The following PDE4D variants were observed in gnomAD, a reference collection of about 807,000 sequenced individuals.
PDE4D encodes phosphodiesterase 4D, also known as 3',5'-cyclic-AMP phosphodiesterase 4D.
PDE4D carries 24 observed loss-of-function variants against 87.4 expected under a neutral mutation model. The observed-to-expected ratio is 0.27, with a 90% CI of 0.20 to 0.39. The LOEUF (loss-of-function observed/expected upper bound fraction) is 0.39. Ranked by LOEUF, PDE4D falls within the 10% of genes least tolerant of loss-of-function variation. PDE4D has a pLI of 1.00. For synonymous variants in PDE4D, 384 were observed against 383.2 expected (o/e 1.00, Z -0.02); for missense variants, 714 against 1,041.0 (o/e 0.69, Z 4.32).
At chr5:59,738,287 T>TG (rs1758359840) in intron 1 of PDE4D, among the ~76,000 whole-genome samples, 3 of 152,186 alleles carry the variant, frequency 2.0e-5, no homozygotes, top group Non-Finnish European at 2.9e-5. Context: ...TACAATGTAT[T>TG]CTGTTGTCAG....
At chr5:59,212,057 A>T (rs1750200059) in intron 2 of PDE4D, among the ~76,000 whole-genome samples, 1 of 152,160 alleles carries the variant, frequency 6.6e-6, no homozygotes, top group East Asian at 1.9e-4. Context: ...GGAAAGCTTA[A>T]CTAGAACTAT....
At chr5:59,363,540 T>A (rs1246299072) in intron 1 of PDE4D, among the ~76,000 whole-genome samples, 1 of 152,124 alleles carries the variant, frequency 6.6e-6, no homozygotes. Flanking sequence ...ATAAGAGAAG[T>A]TTTGAACTTT....
At chr5:59,354,415 A>G (rs922045394) in intron 1 of PDE4D, among the ~76,000 whole-genome samples, 1 of 152,192 alleles carries the variant, frequency 6.6e-6, no homozygotes, top group Admixed American at 6.5e-5. Context: ...AACACCTTTA[A>G]TTCCAAGAAT....
intron 1 of PDE4D, among the ~76,000 whole-genome samples, chr5:60,423,103 T>A (rs1252091634): frequency 1.3e-5 from 2 of 152,198 alleles, no homozygotes; most frequent in Non-Finnish European, 2.9e-5. Context: ...TGGGACACTT[T>A]AACACCCCAT....
chr5:59,630,677 C>T (rs1831452494), intron 1 of PDE4D, among the ~76,000 whole-genome samples: 1 of 152,158 alleles, frequency 6.6e-6, no homozygotes, highest in Non-Finnish European at 1.5e-5. Context: ...CAAGCAATGC[C>T]ATCTGCTTGA....
intron 5 of PDE4D, among the ~76,000 whole-genome samples, chr5:59,138,355 T>G (rs1777430399): frequency 6.6e-6 from 1 of 152,130 alleles, no homozygotes; most frequent in South Asian, 2.1e-4. Context: ...TGGCACGAGC[T>G]CAGCTCACTG....
At chr5:59,513,972 T>C (rs889988135) in intron 1 of PDE4D, among the ~76,000 whole-genome samples, 1 of 152,332 alleles carries the variant, frequency 6.6e-6, no homozygotes, top group Non-Finnish European at 1.5e-5. Flanking sequence ...ATGATAGGCA[T>C]ATACCTATTA....
intron 1 of PDE4D, among the ~76,000 whole-genome samples, chr5:59,551,708 C>A (rs1229543705): frequency 6.6e-6 from 1 of 151,950 alleles, no homozygotes; most frequent in Non-Finnish European, 1.5e-5. Context: ...TTGATTTTCC[C>A]ATGTTAGCTT....
chr5:60,492,768 G>A (rs887518098), upstream of PDE4D, among the ~76,000 whole-genome samples: 1 of 152,070 alleles, frequency 6.6e-6, no homozygotes, highest in African/African-American at 2.4e-5. Context: ...GGGAGGGATA[G>A]CATTAGGAGA....
chr5:60,154,646 T>C (rs1781802915), intron 2 of PDE4D, among the ~76,000 whole-genome samples: 1 of 152,186 alleles, frequency 6.6e-6, no homozygotes. Flanking sequence ...TACATTTTTA[T>C]AAAGAGTACA....
chr5:59,502,656 TTAAGG>T (rs1808496920), intron 1 of PDE4D, among the ~76,000 whole-genome samples: 1 of 145,948 alleles, frequency 6.9e-6, no homozygotes, highest in Non-Finnish European at 1.5e-5. Flanking sequence ...TCTTTATTCC[TTAAGG>T]TAGTGTGTGT....
intron 1 of PDE4D, among the ~76,000 whole-genome samples, chr5:59,881,129 G>T (rs890569562): frequency 6.6e-6 from 1 of 152,096 alleles, no homozygotes; most frequent in Non-Finnish European, 1.5e-5. Context: ...TCTCAGTCAA[G>T]AAATTTATTT....
At chr5:60,176,317 T>G (rs1317214350) in intron 2 of PDE4D, among the ~76,000 whole-genome samples, 2 of 152,194 alleles carry the variant, frequency 1.3e-5, no homozygotes, top group Non-Finnish European at 2.9e-5. Context: ...TTGGAGTTGT[T>G]TGGTTGCCCT....
intron 1 of PDE4D, among the ~76,000 whole-genome samples, chr5:59,245,440 G>C (rs1024861690): frequency 2.2e-4 from 33 of 152,128 alleles, no homozygotes; most frequent in African/African-American, 8.0e-4. Flanking sequence ...CAGACATGAA[G>C]GCAGCCAGGA....
In PDE4D at chr5:59,982,468, T is replaced by G. The variant is rs1762023408; in HGVS notation, c.272+6020A>C. On this transcript the variant is annotated intron_variant, in intron 3 of 16. Transcript: ENST00000502484. ...TTTCCACATGTGTGGCAAGCTAGAC[T>G]CTCCTTAGATTGTCTAGGGGCACAT... Among the ~76,000 whole-genome samples the G allele has an allele frequency of 2.6e-5, 4 of 152,240 alleles. No homozygotes were observed. The South Asian group carries it at 8.3e-4, about 32-fold the overall frequency.
intron 1 of PDE4D, among the ~76,000 whole-genome samples, chr5:59,498,132 T>C (rs1348758237): frequency 6.6e-6 from 1 of 151,466 alleles, no homozygotes; most frequent in Non-Finnish European, 1.5e-5. Context: ...GCTAAAAGAA[T>C]CCATCACCAC....
intron 2 of PDE4D, among the ~76,000 whole-genome samples, chr5:60,110,138 A>T (rs1582708256): frequency 6.6e-6 from 1 of 152,184 alleles, no homozygotes; most frequent in African/African-American, 2.4e-5. Flanking sequence ...AAGACTTCAG[A>T]GGCACAGTCA....
intron 1 of PDE4D, among the ~76,000 whole-genome samples, chr5:60,472,039 T>C (rs1201469522): frequency 6.6e-6 from 1 of 152,056 alleles, no homozygotes; most frequent in South Asian, 2.1e-4. Context: ...AACACCTGAG[T>C]CCCAATTAGC....
chr5:59,199,251 C>A (rs2153490877), intron 2 of PDE4D, among the ~76,000 whole-genome samples: 1 of 108,890 alleles, frequency 9.2e-6, no homozygotes, highest in East Asian at 2.2e-4. Context: ...ACGTTTGAAT[C>A]TAATCCTTTT....
Sources: allele counts gnomAD v4.1 joint callset (sites outside exome capture counted in the v4.1 genomes callset), GRCh38; gene constraint gnomAD v4.1.1; transcripts MANE v1.5; gene names NCBI Gene and HGNC (gene_info 2026-07-23, HGNC 2026-07-21).